CNTN4: variants seen among roughly 807,000 people sequenced by gnomAD.
The protein encoded by CNTN4 is contactin-4.
CNTN4 carries 77 observed loss-of-function variants against 122.5 expected under a neutral mutation model. The observed-to-expected ratio is 0.63, with a 90% CI of 0.52 to 0.76. CNTN4 has a LOEUF of 0.76. Ranked by LOEUF, CNTN4 falls within the 30% of genes least tolerant of loss-of-function variation. The probability of loss-of-function intolerance (pLI) is 0.00; values close to 1 mark genes in which losing one functional copy is unlikely to be tolerated. For missense variants in CNTN4, 1,256 were observed against 1,259.1 expected (o/e 1.00, Z 0.04); for synonymous variants, 512 against 447.0 (o/e 1.15, Z -1.83).
rs1480768998 is a variant in CNTN4, at chr3:2,385,159, C to T, written c.-89+45926C>T. 2.6e-5 allele frequency among the ~76,000 whole-genome samples: 4 copies of T among 152,084 alleles called. No homozygotes were observed. Among genetic ancestry groups the T allele is most frequent in the African/African-American group, 9.7e-5 (4 of 41,426 alleles). ...TCATTTTCTACTTTAAACCATAATC[C>T]ATAACTCATATCAACAAGGTTAATC... On this transcript the variant is annotated intron_variant, in intron 3 of 24. Coordinates refer to ENST00000418658, the MANE Select transcript of CNTN4 (RefSeq NM_175607.3). This position sits in a 1 kb window ranked among gnomAD's most constrained non-coding sequence, Gnocchi z 4.0.
chr3:2,792,061 GTA>G (rs1559508157), intron 6 of CNTN4, among the ~76,000 whole-genome samples: 2 of 152,126 alleles, frequency 1.3e-5, no homozygotes, highest in Admixed American at 6.5e-5. Context: ...TCCTGCACAT[GTA>G]CCCCTGAACT....
chr3:2,585,722 A>G (rs2080168389), intron 4 of CNTN4, among the ~76,000 whole-genome samples: 1 of 151,664 alleles, frequency 6.6e-6, no homozygotes, highest in Non-Finnish European at 1.5e-5. Context: ...TAGCATTAGG[A>G]GATACACCTA....
chr3:2,114,832 G>A (rs2033228908), intron 2 of CNTN4, among the ~76,000 whole-genome samples: 2 of 152,136 alleles, frequency 1.3e-5, no homozygotes, highest in African/African-American at 4.8e-5. Flanking sequence ...ATATTTTCTG[G>A]CATCATTCCG....
intron 6 of CNTN4, among the ~76,000 whole-genome samples, chr3:2,770,836 G>C (rs2091065270): frequency 6.6e-6 from 1 of 152,178 alleles, no homozygotes; most frequent in African/African-American, 2.4e-5. Flanking sequence ...ATAGCTCAGG[G>C]GCTCTGCTAC....
chr3:2,359,489 G>T (rs77060398), intron 3 of CNTN4, among the ~76,000 whole-genome samples: 88 of 152,242 alleles, frequency 5.8e-4, no homozygotes, highest in African/African-American at 2.1e-3. Flanking sequence ...CCTTAAGACT[G>T]AGTCAAATCC....
At chr3:2,441,083 A>G in intron 3 of CNTN4, among the ~76,000 whole-genome samples, 1 of 151,890 alleles carries the variant, frequency 6.6e-6, no homozygotes, top group Non-Finnish European at 1.5e-5. Context: ...TTGATGCATT[A>G]TGGTGAGGTA....
intron 2 of CNTN4, among the ~76,000 whole-genome samples, chr3:2,271,718 G>A (rs1424471636): frequency 1.3e-5 from 2 of 152,138 alleles, no homozygotes; most frequent in East Asian, 1.9e-4. Context: ...GAAACAGCTA[G>A]TGGGGTCCCC....
chr3:2,102,037 T>C (rs2032009816), intron 2 of CNTN4, among the ~76,000 whole-genome samples: 1 of 152,204 alleles, frequency 6.6e-6, no homozygotes, highest in Non-Finnish European at 1.5e-5. Context: ...GACTCATATG[T>C]GGATAGAATG....
chr3:2,851,318 G>A (rs147775469), intron 7 of CNTN4, among the ~76,000 whole-genome samples: 169 of 152,246 alleles, frequency 1.1e-3, no homozygotes, highest in African/African-American at 3.9e-3. Flanking sequence ...CTGATCATAT[G>A]CCTCTCCAGG....
rs564076747 is a variant in CNTN4 at position 2,789,774 on chromosome 3, A to G, written c.359-29712A>G. On this transcript the variant is annotated intron_variant, in intron 6 of 24. Transcript: ENST00000418658. Reference sequence around the variant, plus strand: ...AAAATAGAGGATAACCCAAAGAACAATGTAGAGAGGTTTTTAAAAAAAATT... The same window carrying G: ...AAAATAGAGGATAACCCAAAGAACAGTGTAGAGAGGTTTTTAAAAAAAATT... 1.3e-4 allele frequency among the ~76,000 whole-genome samples: 20 copies of G among 152,352 alleles called. No homozygotes were observed. In the South Asian group the frequency reaches 4.1e-3, roughly 32 times the overall value.
intron 24 of CNTN4, among the ~76,000 whole-genome samples, chr3:3,054,891 AGT>A (rs892415106): frequency 8.6e-4 from 131 of 152,334 alleles, no homozygotes; most frequent in African/African-American, 3.1e-3. Flanking sequence ...TAGATATCTA[AGT>A]GTAGACTTTC....
intron 6 of CNTN4, among the ~76,000 whole-genome samples, chr3:2,815,157 C>G (rs529618531): frequency 6.6e-6 from 1 of 152,212 alleles, no homozygotes; most frequent in Admixed American, 6.5e-5. Flanking sequence ...ATTGGAAAAC[C>G]CTTCTGGACA....
chr3:2,281,261 G>A (rs1294522178), intron 2 of CNTN4, among the ~76,000 whole-genome samples: 1 of 152,000 alleles, frequency 6.6e-6, no homozygotes, highest in Non-Finnish European at 1.5e-5. Flanking sequence ...TGTCTTCTTT[G>A]AGCCTCAATC....
intron 3 of CNTN4, among the ~76,000 whole-genome samples, chr3:2,368,033 T>C (rs868266009): frequency 0.025 from 1,567 of 62,118 alleles, 30 homozygotes; most frequent in African/African-American, 0.076. Flanking sequence ...AAACTTCTTT[T>C]TTTTTTTTTT....
intron 2 of CNTN4, among the ~76,000 whole-genome samples, chr3:2,314,467 T>C (rs940718707): frequency 7.9e-5 from 12 of 151,956 alleles, no homozygotes; most frequent in African/African-American, 2.4e-4. Flanking sequence ...GGCATTTCGG[T>C]GAAGCTGTAT....
intron 3 of CNTN4, among the ~76,000 whole-genome samples, chr3:2,483,546 C>T (rs1403027898): frequency 6.6e-6 from 1 of 152,166 alleles, no homozygotes; most frequent in African/African-American, 2.4e-5. Flanking sequence ...TCCACCCAAA[C>T]TTCATCTTGA....
chr3:2,103,669 A>G (rs1325441340), intron 2 of CNTN4, among the ~76,000 whole-genome samples: 2 of 152,180 alleles, frequency 1.3e-5, no homozygotes, highest in Non-Finnish European at 2.9e-5. Flanking sequence ...CCATCCTCCA[A>G]GAAAGGAAAC....
intron 7 of CNTN4, among the ~76,000 whole-genome samples, chr3:2,825,109 A>AGT (rs1224494155): frequency 6.6e-6 from 1 of 152,194 alleles, no homozygotes; most frequent in Non-Finnish European, 1.5e-5. Flanking sequence ...GGTCAGGTGC[A>AGT]GTGCCTCTTG....
At chr3:2,316,583 C>G (rs1257572138) in intron 2 of CNTN4, among the ~76,000 whole-genome samples, 3 of 152,018 alleles carry the variant, frequency 2.0e-5, no homozygotes, top group Non-Finnish European at 4.4e-5. Context: ...TGTTTTTATC[C>G]CTTTCATTTA....
Sources: gnomAD v4.1 joint callset for allele counts (sites outside exome capture counted in the v4.1 genomes callset) on GRCh38, gnomAD v4.1.1 for gene constraint, Gnocchi (gnomAD v3.1) non-coding constraint, MANE v1.5 for transcripts, NCBI Gene and HGNC (gene_info 2026-07-23, HGNC 2026-07-21) for gene names.